The following CNDP1 variants were observed in gnomAD, a reference collection of about 807,000 sequenced individuals.
CNDP1 encodes the protein carnosine dipeptidase 1.
A neutral mutation model predicts 58.1 loss-of-function variants in CNDP1; 44 were observed. The ratio of observed to expected loss-of-function variants is 0.76; its 90% CI spans 0.60 to 0.97. The LOEUF is 0.97. Among genes scored for constraint, CNDP1 ranks in the 50% least tolerant of loss-of-function variants. The pLI, the probability that CNDP1 is intolerant of heterozygous loss-of-function variation, is 0.00. For synonymous variants in CNDP1, 254 were observed against 252.6 expected (o/e 1.01, Z -0.05); for missense variants, 616 against 655.1 (o/e 0.94, Z 0.65).
chr18:74,559,102 C>T (rs1981118246), intron 2 of CNDP1, among the ~76,000 whole-genome samples: 1 of 152,214 alleles, frequency 6.6e-6, no homozygotes, highest in African/African-American at 2.4e-5. Flanking sequence ...ACCTTCTATA[C>T]TAACCAGGCG....
chr18:74,559,335 T>C lies in CNDP1; in HGVS notation c.166T>C (p.Trp56Arg). 6.2e-7 allele frequency: 1 copy of C among 1,613,468 alleles called. No individual in the cohort carries two copies. Residue 56 changes from tryptophan to arginine, a missense_variant, in exon 3 of 12, where the codon TGG becomes CGG. Transcript: ENST00000358821. ...CTCTTCCTCCTAGACGCTGAAGGAG[T>C]GGGTGGCCATCGAGAGCGACTCTGT... ...QDEFVQTLKE[W>R]VAIESDSVQP...
intron 7 of CNDP1, chr18:74,576,113 C>T (rs2144574888): frequency 6.6e-6 from 1 of 151,732 alleles, no homozygotes; most frequent in South Asian, 2.1e-4. Flanking sequence ...TGTGATCTAC[C>T]TGCCTCGGCC....
chr18:74,536,460 G>A (rs1482608159), intron 1 of CNDP1, among the ~76,000 whole-genome samples: 7 of 152,166 alleles, frequency 4.6e-5, no homozygotes, highest in African/African-American at 1.7e-4. Context: ...TTCCTGCAAA[G>A]GACATGATCT....
chr18:74,534,524 A>G lies in CNDP1; in HGVS notation c.-144A>G. 1 of 786,790 alleles carries G rather than the reference A, an allele frequency of 1.3e-6. No homozygotes were observed. Among genetic ancestry groups the G allele is most frequent in the East Asian group, 2.6e-5 (1 of 38,552 alleles). The allele number at this position is 786,790 out of a possible 1,614,324, so 48.7% of individuals were successfully genotyped here. A position where few individuals can be genotyped will look rare whatever the true frequency, so the allele number is the denominator to read the frequency against. On this transcript the variant is annotated 5_prime_UTR_variant, in exon 1 of 12. Coordinates refer to ENST00000358821, the MANE Select transcript of CNDP1 (RefSeq NM_032649.6). ...CAGATGTGAATAGCTCCACTATACC[A>G]GCCTCGTCTTCCTTCCGGGGGACAA...
Position 74,556,529 on chromosome 18 carries a change from G to T in CNDP1, c.153+63G>T. 3 of 1,591,790 alleles carry T rather than the reference G, an allele frequency of 1.9e-6. No individual in the cohort carries two copies. In the South Asian group the frequency reaches 3.4e-5, roughly 18 times the overall value. On this transcript the variant is annotated intron_variant, in intron 2 of 11. Transcript: ENST00000358821. Reference sequence around the variant, plus strand: ...TTGGATTATATCCTTTGGTATTTGGGTGAGACAATTATTTGCTTGGAGATG... The same window carrying T: ...TTGGATTATATCCTTTGGTATTTGGTTGAGACAATTATTTGCTTGGAGATG...
chr18:74,552,857 G>A (rs1054619494), intron 1 of CNDP1, among the ~76,000 whole-genome samples: 10 of 152,202 alleles, frequency 6.6e-5, no homozygotes, highest in African/African-American at 9.6e-5. Context: ...GGAACTTTCC[G>A]ACTGTTTTCC....
At chr18:74,567,460 G>A in intron 6 of CNDP1, 27 bp downstream of exon 6, 1 of 1,574,994 alleles carries the variant, frequency 6.3e-7, no homozygotes, top group Non-Finnish European at 8.7e-7. Flanking sequence ...GTGCATGGAT[G>A]GAGGCCTGTG....
chr18:74,561,387 T>A (rs1177606441), intron 4 of CNDP1: 1 of 156,022 alleles, frequency 6.4e-6, no homozygotes, highest in Non-Finnish European at 1.4e-5. Flanking sequence ...CACTCCATTC[T>A]GCTTGGGTGA....
chr18:74,570,438 A>G (rs536436859), intron 6 of CNDP1, among the ~76,000 whole-genome samples: 1 of 152,210 alleles, frequency 6.6e-6, no homozygotes, highest in Non-Finnish European at 1.5e-5. Context: ...GTGTCTGTTA[A>G]GTTTTGAGCT....
chr18:74,541,654 G>T (rs1318501997), intron 1 of CNDP1, among the ~76,000 whole-genome samples: 1 of 152,218 alleles, frequency 6.6e-6, no homozygotes, highest in Non-Finnish European at 1.5e-5. Flanking sequence ...CAGCAGCAAG[G>T]CTGGAGCAGG....
intron 5 of CNDP1, among the ~76,000 whole-genome samples, chr18:74,566,739 C>T (rs748135018): frequency 4.5e-4 from 68 of 152,368 alleles, no homozygotes; most frequent in Admixed American, 1.6e-3. Context: ...TTTGTGTCTT[C>T]TTCTGAGCCC....
chr18:74,557,090 A>AT lies in CNDP1; in HGVS notation c.153+630dup, dbSNP rs370117708. ...GCCAACACACCTGGCTAATTTTTGT[A>AT]TTTTTTCAGTAGAGACGGGATTTCC... On this transcript the variant is annotated intron_variant, in intron 2 of 11. Transcript: ENST00000358821. Among the ~76,000 whole-genome samples, 1,041 of 151,088 alleles carry AT rather than the reference A, an allele frequency of 6.9e-3. 12 individuals carry two copies. The highest frequency in any genetic ancestry group is 0.022 in the African/African-American group (912 of 41,048).
chr18:74,551,579 G>C (rs1980911458), intron 1 of CNDP1, among the ~76,000 whole-genome samples: 1 of 152,076 alleles, frequency 6.6e-6, no homozygotes, highest in African/African-American at 2.4e-5. Context: ...TTAAGGGAGG[G>C]AAGATGAAGT....
rs147218099 is a variant in CNDP1 at position 74,555,172 on chromosome 18, A to G, written c.25-1166A>G. Reference sequence around the variant, plus strand: ...TAAAACATCTCAAACATTTAAAACAATAAAAGATGGGATTCCAGAGACAAA... The same window carrying G: ...TAAAACATCTCAAACATTTAAAACAGTAAAAGATGGGATTCCAGAGACAAA... On this transcript the variant is annotated intron_variant, in intron 1 of 11. Coordinates refer to ENST00000358821, the MANE Select transcript of CNDP1 (RefSeq NM_032649.6). Among the ~76,000 whole-genome samples, 153 of 152,328 alleles carry G rather than the reference A, an allele frequency of 1.0e-3. No individual in the cohort carries two copies. In the Middle Eastern group the frequency reaches 0.014, roughly 14 times the overall value.
At chr18:74,582,800 A>T (rs1981820286) in intron 10 of CNDP1, among the ~76,000 whole-genome samples, 1 of 152,216 alleles carries the variant, frequency 6.6e-6, no homozygotes, top group Non-Finnish European at 1.5e-5. Flanking sequence ...AAGACCGGTG[A>T]AATTGAAAGT....
intron 2 of CNDP1, 62 bp from the exon 3 acceptor site, chr18:74,559,261 G>A (rs1417531223): frequency 2.2e-5 from 35 of 1,571,846 alleles, no homozygotes; most frequent in Middle Eastern, 3.4e-4. Flanking sequence ...CCCTCCCTTC[G>A]CTCCCCCCGC....
Position 74,567,391 on chromosome 18 carries a change from A to G in CNDP1, c.714A>G (p.Ala238=), listed in dbSNP as rs376040268. The change falls in exon 6 of 12, where the codon GCA becomes GCG. Residue 238 remains alanine, a synonymous_variant. Transcript: ENST00000358821. ...DNLWISQRKP[A]ITYGTRGNSY... ...TGTGGATCAGCCAAAGGAAGCCAGC[A>G]ATCACTTACGGAACCCGGGGGAACA... The G allele has an allele frequency of 4.3e-6, 7 of 1,614,014 alleles. No homozygotes were observed. In the African/African-American group the frequency reaches 9.3e-5, roughly 22 times the overall value.
At chr18:74,583,038 G>T (rs993033281) in intron 10 of CNDP1, among the ~76,000 whole-genome samples, 2 of 151,928 alleles carry the variant, frequency 1.3e-5, no homozygotes, top group African/African-American at 4.8e-5. Flanking sequence ...ACAGAGTCTC[G>T]CTCTGTCACC....
chr18:74,560,460 C>T (rs1049508981), intron 3 of CNDP1, among the ~76,000 whole-genome samples: 2 of 152,184 alleles, frequency 1.3e-5, no homozygotes, highest in African/African-American at 4.8e-5. Context: ...GAAATCCTAG[C>T]ACTTTAGGAG....
Sources: gnomAD v4.1 joint callset for allele counts (sites outside exome capture counted in the v4.1 genomes callset) on GRCh38, gnomAD v4.1.1 for gene constraint, MANE v1.5 for transcripts, NCBI Gene and HGNC (gene_info 2026-07-23, HGNC 2026-07-21) for gene names.